The following CDH23 variants were observed in gnomAD, a reference collection of about 807,000 sequenced individuals.
The protein encoded by CDH23 is cadherin-23.
CDH23 carries 189 observed loss-of-function variants against 317.1 expected under a neutral mutation model. That is an observed-to-expected ratio of 0.60 (90% CI 0.53 to 0.67). The LOEUF (loss-of-function observed/expected upper bound fraction) is 0.67. Ranked by LOEUF, CDH23 falls within the 30% of genes least tolerant of loss-of-function variation. The pLI is 0.00. For synonymous variants in CDH23, 1,839 were observed against 1,876.8 expected, an observed-to-expected ratio of 0.98 and a Z score of 0.52; for missense variants, 4,401 against 4,592.4, an observed-to-expected ratio of 0.96 and a Z score of 1.20.
chr10:71,745,201 A>G (rs545183809), intron 38 of CDH23, among the ~76,000 whole-genome samples: 1 of 152,218 alleles, frequency 6.6e-6, no homozygotes, highest in Non-Finnish European at 1.5e-5. Context: ...AAGGGAGGCA[A>G]TGAAAACACT....
chr10:71,738,574 C>T lies in CDH23; in HGVS notation c.4286C>T (p.Pro1429Leu), dbSNP rs747673739. 1 of 1,613,926 alleles carries T rather than the reference C, an allele frequency of 6.2e-7. No homozygotes were observed. The highest frequency in any genetic ancestry group is 1.7e-5 in the Admixed American group (1 of 60,030). Residue 1429 changes from proline to leucine, a missense_variant, in exon 35 of 70, where the codon CCC becomes CTC. Around this residue, in one of 3 missense-constraint regions of CDH23, gnomAD observed 3,068 missense variants for 3,203.3 expected, o/e 0.96. Coordinates refer to ENST00000224721, the MANE Select transcript of CDH23 (RefSeq NM_022124.6). ...ACCTCCGACTCGGCGGTCAGCATAC[C>T]CGAGGACTGCCCTGTGGGCCAGCGA... ...DFTSDSAVSI[P>L]EDCPVGQRVA...
In CDH23 at chr10:71,677,545, C is replaced by A; in HGVS notation, c.1604C>A (p.Ala535Asp). 4.3e-6 allele frequency: 7 copies of A among 1,611,808 alleles called. No individual in the cohort carries two copies. Among genetic ancestry groups the A allele is most frequent in the Non-Finnish European group, 5.9e-6 (7 of 1,179,220 alleles). Reference sequence around the variant, plus strand: ...CAGCGCTTCACCCTGACGATCATTGCCCGGGACGGGGGCGGCGAGGAGACC... The same window carrying A: ...CAGCGCTTCACCCTGACGATCATTGACCGGGACGGGGGCGGCGAGGAGACC... ...LIQRFTLTII[A>D]RDGGGEETTG... is the part of the protein sequence containing the mutation. Residue 535 changes from alanine (A) to aspartate (D), a missense_variant, in exon 16 of 70, where the codon GCC becomes GAC. Around this residue, in one of 3 missense-constraint regions of CDH23, gnomAD observed 3,068 missense variants for 3,203.3 expected, o/e 0.96. Transcript: ENST00000224721.
chr10:71,525,046 T>C (rs1257323931), intron 6 of CDH23, among the ~76,000 whole-genome samples: 2 of 152,330 alleles, frequency 1.3e-5, no homozygotes, highest in South Asian at 2.1e-4. Context: ...TAGCTGGGAT[T>C]ACAGGCGTGC....
intron 4 of CDH23, among the ~76,000 whole-genome samples, chr10:71,510,484 C>T (rs993334597): frequency 6.6e-6 from 1 of 152,114 alleles, no homozygotes; most frequent in Non-Finnish European, 1.5e-5. Flanking sequence ...CTGTGTTCAT[C>T]CCTTGTAGAA....
intron 5 of CDH23, 30 bp from the exon 6 acceptor site, chr10:71,511,090 G>T: frequency 6.2e-7 from 1 of 1,611,950 alleles, no homozygotes; most frequent in South Asian, 1.1e-5. Flanking sequence ...GTCAGGTGGC[G>T]GCGCTAATTG....
intron 3 of CDH23, among the ~76,000 whole-genome samples, chr10:71,448,994 C>A (rs1307143177): frequency 6.6e-6 from 1 of 152,220 alleles, no homozygotes; most frequent in East Asian, 1.9e-4. Context: ...CTCTCATGAA[C>A]TGTTCACTCT....
intron 14 of CDH23, among the ~76,000 whole-genome samples, chr10:71,674,071 A>C (rs1864258053): frequency 6.6e-6 from 1 of 152,232 alleles, no homozygotes; most frequent in Admixed American, 6.5e-5. Flanking sequence ...AGCCCTATAC[A>C]AGCTGGCAGC....
intron 38 of CDH23, chr10:71,747,688 A>G (rs1214995625): frequency 3.9e-5 from 6 of 152,290 alleles, no homozygotes; most frequent in African/African-American, 1.4e-4. Context: ...CAAACAAGTT[A>G]CAACACATGT....
intron 9 of CDH23, among the ~76,000 whole-genome samples, chr10:71,587,808 G>A (rs574314713): frequency 4.1e-4 from 62 of 152,334 alleles, no homozygotes; most frequent in African/African-American, 1.4e-3. Context: ...TTTCAAGGCA[G>A]CCCCCAGCCG....
intron 1 of CDH23, among the ~76,000 whole-genome samples, chr10:71,412,919 C>T (rs1312912196): frequency 3.3e-5 from 5 of 152,018 alleles, no homozygotes; most frequent in African/African-American, 4.8e-5. Flanking sequence ...ATATGTTCAC[C>T]GTCCTCTGGG....
chr10:71,807,332 C>A lies in CDH23; in HGVS notation c.8234C>A (p.Thr2745Asn). The change falls in exon 58 of 70, where the codon ACC (threonine) becomes AAC (asparagine). Residue 2745 changes from threonine to asparagine, a missense_variant. Physicochemically the swap from Thr to Asn is moderately conservative, Grantham distance 65 (BLOSUM62 0). Transcript: ENST00000224721. ...LTVPEHSPRG[T>N]LVGNVTGAVD... Reference sequence around the variant, plus strand: ...GTGCCTGAGCACTCACCACGCGGCACCCTCGTGGGCAACGTGACAGGCGCA... The same window carrying A: ...GTGCCTGAGCACTCACCACGCGGCAACCTCGTGGGCAACGTGACAGGCGCA... 1.2e-6 allele frequency: 2 copies of A among 1,613,926 alleles called. No individual in the cohort carries two copies. Among genetic ancestry groups the A allele is most frequent in the South Asian group, 2.2e-5 (2 of 91,054 alleles).
chr10:71,432,283 TGA>T (rs1281193725), intron 1 of CDH23, among the ~76,000 whole-genome samples: 2 of 55,314 alleles, frequency 3.6e-5, no homozygotes, highest in Non-Finnish European at 6.6e-5. Flanking sequence ...TGAGTGTGTT[TGA>T]GAGTGTGTGT....
intron 6 of CDH23, among the ~76,000 whole-genome samples, chr10:71,549,327 A>G (rs1272187516): frequency 1.3e-5 from 2 of 152,212 alleles, no homozygotes; most frequent in Non-Finnish European, 2.9e-5. Flanking sequence ...TAAGTGAATG[A>G]TAAGACTGAC....
intron 41 of CDH23, 76 bp downstream of exon 41, chr10:71,779,523 C>T: frequency 7.6e-7 from 1 of 1,313,098 alleles, no homozygotes; most frequent in African/African-American, 1.5e-5. Flanking sequence ...GAAGGGAGGT[C>T]TCAAGGCATT....
rs1842004170 is a variant in CDH23 at position 71,813,282 on chromosome 10, G to A, written c.9672G>A (p.Arg3224=). 1.3e-6 allele frequency: 2 copies of A among 1,551,646 alleles called. No homozygotes were observed. The highest frequency in any genetic ancestry group is 8.7e-7 in the Non-Finnish European group (1 of 1,146,990). ...AGGTGGTCCTGGAGGATTACCTGCG[G>A]CTCAAAAAGCTCTTTGCACAGCGGA... is the stretch of plus-strand genomic sequence containing the variant. ...LLKVVLEDYL[R]LKKLFAQRMV... is the part of the protein sequence containing the mutation. The change falls in exon 69 of 70, where the codon CGG becomes CGA. Residue 3224 remains arginine (R), a synonymous_variant. Coordinates refer to ENST00000224721, the MANE Select transcript of CDH23 (RefSeq NM_022124.6).
At chr10:71,780,716 A>G (rs559968410) in intron 41 of CDH23, among the ~76,000 whole-genome samples, 1 of 152,312 alleles carries the variant, frequency 6.6e-6, no homozygotes, top group East Asian at 1.9e-4. Flanking sequence ...TATTTGACTT[A>G]GGTTTCAGCA....
At chr10:71,603,445 G>A (rs1192331027) in intron 9 of CDH23, among the ~76,000 whole-genome samples, 1 of 138,472 alleles carries the variant, frequency 7.2e-6, no homozygotes, top group Non-Finnish European at 1.5e-5. Context: ...GCCCTGCCCA[G>A]TGACAGGCAG....
At chr10:71,648,904 C>T (rs1472808249) in intron 14 of CDH23, among the ~76,000 whole-genome samples, 2 of 152,168 alleles carry the variant, frequency 1.3e-5, no homozygotes, top group Non-Finnish European at 2.9e-5. Flanking sequence ...CATCAGGTAA[C>T]AGCTCTCACA....
chr10:71,420,780 G>A (rs940044843), intron 1 of CDH23, among the ~76,000 whole-genome samples: 2 of 152,132 alleles, frequency 1.3e-5, no homozygotes, highest in African/African-American at 4.8e-5. Context: ...AGCAGCTCAT[G>A]CAAGCTCACA....
Sources: allele counts gnomAD v4.1 joint callset (sites outside exome capture counted in the v4.1 genomes callset), GRCh38; gene constraint gnomAD v4.1.1; regional missense constraint gnomAD v4.1.1; transcripts MANE v1.5; gene names NCBI Gene and HGNC (gene_info 2026-07-23, HGNC 2026-07-21).